Variants in KCNIP4 observed in about 807,000 individuals in gnomAD.
KCNIP4 encodes the protein potassium voltage-gated channel interacting protein 4.
KCNIP4 carries 12 observed loss-of-function variants against 34.0 expected under a neutral mutation model. That is an observed-to-expected ratio of 0.35 (90% CI 0.23 to 0.57). KCNIP4 has a LOEUF of 0.57. Among genes scored for constraint, KCNIP4 ranks in the 20% least tolerant of loss-of-function variants. KCNIP4 has a pLI of 0.83. For missense variants in KCNIP4, 238 were observed against 311.7 expected (o/e 0.76, Z 1.78); for synonymous variants, 124 against 102.2 (o/e 1.21, Z -1.29).
intron 1 of KCNIP4, among the ~76,000 whole-genome samples, chr4:21,868,786 A>G (rs1481615372): frequency 1.3e-5 from 2 of 152,236 alleles, no homozygotes; most frequent in Admixed American, 6.5e-5. Context: ...GGCAGGTGGT[A>G]TAGACCATGG....
intron 1 of KCNIP4, among the ~76,000 whole-genome samples, chr4:20,896,499 G>C (rs1168744613): frequency 6.6e-6 from 1 of 152,180 alleles, no homozygotes; most frequent in Non-Finnish European, 1.5e-5. Flanking sequence ...GGAGAAGACA[G>C]ACACACAGAG....
chr4:21,553,584 C>T (rs890500793), intron 1 of KCNIP4, among the ~76,000 whole-genome samples: 2 of 152,084 alleles, frequency 1.3e-5, no homozygotes, highest in Non-Finnish European at 2.9e-5. Context: ...CTTGGTGAGG[C>T]ACCCTGATGA....
At chr4:20,787,502 C>T (rs759046499) in intron 3 of KCNIP4, among the ~76,000 whole-genome samples, 3 of 151,762 alleles carry the variant, frequency 2.0e-5, no homozygotes, top group Non-Finnish European at 2.9e-5. Flanking sequence ...TTATTTTTGG[C>T]GCTATTAAAA....
At chr4:21,746,221 T>C (rs1577932743) in intron 1 of KCNIP4, among the ~76,000 whole-genome samples, 2 of 152,172 alleles carry the variant, frequency 1.3e-5, no homozygotes, top group African/African-American at 2.4e-5. Context: ...TCTTCAAATA[T>C]AGTATCATGC....
chr4:21,084,228 G>T (rs932364537), intron 1 of KCNIP4, among the ~76,000 whole-genome samples: 1 of 149,972 alleles, frequency 6.7e-6, no homozygotes, highest in Non-Finnish European at 1.5e-5. Flanking sequence ...TAACTAGAAG[G>T]CCTTGTGACT....
chr4:21,405,871 C>T (rs1723936787), intron 1 of KCNIP4, among the ~76,000 whole-genome samples: 1 of 152,146 alleles, frequency 6.6e-6, no homozygotes, highest in African/African-American at 2.4e-5. Flanking sequence ...GTTTTGCTCT[C>T]GTTGCCCATG....
At chr4:20,812,447 G>A (rs980176910) in intron 3 of KCNIP4, among the ~76,000 whole-genome samples, 1 of 152,088 alleles carries the variant, frequency 6.6e-6, no homozygotes, top group Non-Finnish European at 1.5e-5. Context: ...AAAGAACAAT[G>A]AGAGATATGA....
At chr4:21,687,049 C>G (rs999974382) in intron 1 of KCNIP4, among the ~76,000 whole-genome samples, 1 of 146,540 alleles carries the variant, frequency 6.8e-6, no homozygotes, top group Non-Finnish European at 1.5e-5. Context: ...AATCATCATT[C>G]TCAGTAAACT....
chr4:21,627,259 C>T (rs915585266), intron 1 of KCNIP4, among the ~76,000 whole-genome samples: 4 of 152,042 alleles, frequency 2.6e-5, no homozygotes, highest in African/African-American at 9.7e-5. Context: ...CAGTTTAGCT[C>T]TTGGTTATAA....
intron 1 of KCNIP4, among the ~76,000 whole-genome samples, chr4:21,795,193 G>A (rs888450968): frequency 2.6e-5 from 4 of 152,220 alleles, no homozygotes; most frequent in South Asian, 4.1e-4. Context: ...TCTAAGAAGC[G>A]GAAATTAGGA....
chr4:21,886,369 A>T (rs990305247), intron 1 of KCNIP4, among the ~76,000 whole-genome samples: 3 of 152,168 alleles, frequency 2.0e-5, no homozygotes, highest in Non-Finnish European at 4.4e-5. Flanking sequence ...AGCATTTTTC[A>T]CACTACATCC....
chr4:21,332,605 C>T (rs1308056815), intron 1 of KCNIP4, among the ~76,000 whole-genome samples: 1 of 152,002 alleles, frequency 6.6e-6, no homozygotes, highest in Non-Finnish European at 1.5e-5. Flanking sequence ...CTTGATTCCA[C>T]TTTTTCTATC....
At chr4:21,421,509 T>C (rs186054444) in intron 1 of KCNIP4, among the ~76,000 whole-genome samples, 2 of 152,278 alleles carry the variant, frequency 1.3e-5, no homozygotes, top group Admixed American at 1.3e-4. Flanking sequence ...GCTAAGTGAA[T>C]TAAGCCAAGC....
intron 1 of KCNIP4, among the ~76,000 whole-genome samples, chr4:21,549,828 G>A (rs1465477963): frequency 6.6e-6 from 1 of 152,058 alleles, no homozygotes; most frequent in Non-Finnish European, 1.5e-5. Flanking sequence ...GGATTCCAGA[G>A]AGACTGGATA....
At chr4:21,493,330 C>T (rs1409057291) in intron 1 of KCNIP4, among the ~76,000 whole-genome samples, 2 of 152,052 alleles carry the variant, frequency 1.3e-5, no homozygotes, top group African/African-American at 2.4e-5. Flanking sequence ...TCTTTTAAGA[C>T]ATCCGCTAGA....
At chr4:21,003,092 GT>G (rs1228790184) in intron 1 of KCNIP4, among the ~76,000 whole-genome samples, 2 of 152,132 alleles carry the variant, frequency 1.3e-5, no homozygotes, top group African/African-American at 4.8e-5. Flanking sequence ...CATTTCCCAA[GT>G]TTAACACGTT....
intron 5 of KCNIP4, among the ~76,000 whole-genome samples, chr4:20,742,418 C>T (rs926129468): frequency 6.6e-6 from 1 of 152,128 alleles, no homozygotes; most frequent in Non-Finnish European, 1.5e-5. Flanking sequence ...TCAACATACA[C>T]AAATCAATAA....
At chr4:21,694,521 A>C (rs1460283330) in intron 1 of KCNIP4, among the ~76,000 whole-genome samples, 1 of 152,160 alleles carries the variant, frequency 6.6e-6, no homozygotes, top group Non-Finnish European at 1.5e-5. Context: ...CCATGATAAA[A>C]AATATGTAGG....
chr4:20,908,687 C>T (rs952285796), intron 1 of KCNIP4, among the ~76,000 whole-genome samples: 15 of 152,150 alleles, frequency 9.9e-5, no homozygotes, highest in Admixed American at 7.9e-4. Context: ...CCCCTGATAT[C>T]CCTGTTACTG....
Sources: gnomAD v4.1 joint callset for allele counts (sites outside exome capture counted in the v4.1 genomes callset) on GRCh38, gnomAD v4.1.1 for gene constraint, MANE v1.5 for transcripts, NCBI Gene and HGNC (gene_info 2026-07-23, HGNC 2026-07-21) for gene names.